The following THBS4 variants were observed in gnomAD, a reference collection of about 807,000 sequenced individuals.
THBS4 encodes thrombospondin-4.
In THBS4, 90 loss-of-function variants were observed where a neutral mutation model predicts 115.7. The observed-to-expected ratio is 0.78, with a 90% CI of 0.66 to 0.93. The LOEUF (loss-of-function observed/expected upper bound fraction) is 0.93, where lower values mean the gene tolerates loss of function less well. Ranked by LOEUF, THBS4 falls within the 40% of genes least tolerant of loss-of-function variation. The probability of loss-of-function intolerance (pLI) is 0.00; values close to 1 mark genes in which losing one functional copy is unlikely to be tolerated. For missense variants in THBS4, 1,087 were observed against 1,232.7 expected (o/e 0.88, Z 1.77); for synonymous variants, 460 against 479.3 (o/e 0.96, Z 0.53).
At chr5:80,029,340 A>T (rs540095291) in intron 2 of THBS4, among the ~76,000 whole-genome samples, 8 of 152,328 alleles carry the variant, frequency 5.3e-5, no homozygotes, top group Non-Finnish European at 1.0e-4. Context: ...ATATGGATGG[A>T]TAAATGTGTT....
upstream of THBS4, among the ~76,000 whole-genome samples, chr5:80,032,143 T>C (rs1049581627): frequency 6.6e-6 from 1 of 152,186 alleles, no homozygotes; most frequent in Non-Finnish European, 1.5e-5. Flanking sequence ...GAAATGAAAA[T>C]AAACTCTTTT....
chr5:80,057,699 A>G (rs944832330), intron 3 of THBS4, among the ~76,000 whole-genome samples: 4 of 152,298 alleles, frequency 2.6e-5, no homozygotes, highest in African/African-American at 9.6e-5. Flanking sequence ...ACTAACAATG[A>G]ATAATATCAA....
At chr5:80,079,820 A>G in intron 19 of THBS4, 85 bp from the exon 20 acceptor site, 1 of 1,398,014 alleles carries the variant, frequency 7.2e-7, no homozygotes, top group East Asian at 2.3e-5. Flanking sequence ...CCATGACTAT[A>G]ACCTGGATCA....
chr5:80,078,102 G>A lies in THBS4; in HGVS notation c.2140G>A (p.Asp714Asn), dbSNP rs773151425. ...TGACTTTGACCAGGACCAGGTCATC[G>A]ATCGGATCGACGTCTGCCCAGAGAA... ...ESDFDQDQVI[D>N]RIDVCPENAE... is the part of the protein sequence containing the mutation. Residue 714 changes from aspartate (D) to asparagine (N), a missense_variant, in exon 17 of 22, where the codon GAT becomes AAT. By Grantham distance (23) the Asp-to-Asn change is conservative. This residue lies in a region of THBS4 where 979 missense variants were observed against 1,103.7 expected (regional missense o/e 0.89). Coordinates refer to ENST00000350881, the MANE Select transcript of THBS4 (RefSeq NM_003248.6). 24 of 1,609,860 alleles carry A rather than the reference G, an allele frequency of 1.5e-5. No homozygotes were observed. The highest frequency in any genetic ancestry group is 9.4e-5 in the African/African-American group (7 of 74,854).
At chr5:80,063,264 T>C (rs1355083092) in intron 8 of THBS4, among the ~76,000 whole-genome samples, 2 of 152,234 alleles carry the variant, frequency 1.3e-5, no homozygotes, top group Non-Finnish European at 2.9e-5. Context: ...GTGGTTTTGA[T>C]TTGCATTTCT....
At chr5:80,051,169 C>T (rs193252179) in intron 2 of THBS4, among the ~76,000 whole-genome samples, 5 of 152,274 alleles carry the variant, frequency 3.3e-5, no homozygotes, top group Admixed American at 2.6e-4. Context: ...CTTCCCCTTC[C>T]CAGTGATGCT....
chr5:80,067,909 C>G (rs1833889594), intron 9 of THBS4, 64 bp from the exon 10 acceptor site: 10 of 1,577,984 alleles, frequency 6.3e-6, no homozygotes, highest in Non-Finnish European at 8.6e-6. Context: ...ATAACTGTAC[C>G]TTTGCTCAAA....
intron 2 of THBS4, among the ~76,000 whole-genome samples, chr5:80,049,668 A>G (rs550734183): frequency 6.6e-6 from 1 of 152,310 alleles, no homozygotes; most frequent in South Asian, 2.1e-4. Context: ...GCCCTCAGAT[A>G]CTATGGGATG....
At chr5:80,057,503 T>A (rs1344926298) in intron 3 of THBS4, among the ~76,000 whole-genome samples, 1 of 152,248 alleles carries the variant, frequency 6.6e-6, no homozygotes, top group Non-Finnish European at 1.5e-5. Flanking sequence ...ATAGCACATG[T>A]TGCCTAAATC....
Position 80,055,937 on chromosome 5 carries a change from C to G in THBS4, c.445C>G (p.Gln149Glu). The change falls in exon 3 of 22, where the codon CAG (glutamine) becomes GAG (glutamate). Residue 149 changes from glutamine to glutamate, a missense_variant. Gln to Glu is a conservative substitution (Grantham distance 29). Around this residue, in one of 3 missense-constraint regions of THBS4, gnomAD observed 979 missense variants for 1,103.7 expected, o/e 0.89. Coordinates refer to ENST00000350881, the MANE Select transcript of THBS4 (RefSeq NM_003248.6). ...GSLELYLDCIQVDSVHNLPRA... is the reference protein window; with the variant it reads ...GSLELYLDCIEVDSVHNLPRA... ...CCTAGAGCTCTACCTGGACTGCATC[C>G]AGGTGGATTCCGTTCACAATCTCCC... The G allele has an allele frequency of 2.5e-6, 4 of 1,614,224 alleles. No individual in the cohort carries two copies. The highest frequency in any genetic ancestry group is 3.4e-6 in the Non-Finnish European group (4 of 1,180,032).
At chr5:80,077,470 C>T (rs1388448345) in intron 16 of THBS4, among the ~76,000 whole-genome samples, 1 of 152,196 alleles carries the variant, frequency 6.6e-6, no homozygotes, top group Admixed American at 6.5e-5. Flanking sequence ...CAGATGCCTG[C>T]AGGTGCCAGG....
In THBS4 at chr5:80,065,458, C is replaced by T. The variant is rs755516089; in HGVS notation, c.1175C>T (p.Ser392Leu). The change falls in exon 9 of 22, where the codon TCG (serine) becomes TTG (leucine). Residue 392 changes from serine to leucine, a missense_variant. Physicochemically the swap from Ser to Leu is moderately radical, Grantham distance 145. Coordinates refer to ENST00000350881, the MANE Select transcript of THBS4 (RefSeq NM_003248.6). ...CGAAATGGAGCGTGCGTTCCCAACT[C>T]GATCTGCGTTAATACTTTGGTAAGT... ...ECRNGACVPNSICVNTLGSYR... is the reference protein window; with the variant it reads ...ECRNGACVPNLICVNTLGSYR... 5.0e-6 allele frequency: 8 copies of T among 1,613,676 alleles called. No individual in the cohort carries two copies. Among genetic ancestry groups the T allele is most frequent in the East Asian group, 2.2e-5 (1 of 44,870 alleles).
intron 5 of THBS4, 86 bp from the exon 6 acceptor site, chr5:80,059,354 A>G (rs1403310781): frequency 2.3e-5 from 30 of 1,326,374 alleles, no homozygotes; most frequent in Admixed American, 3.9e-5. Context: ...AAAGTGTTAC[A>G]TAGATAGCTC....
intron 2 of THBS4, among the ~76,000 whole-genome samples, chr5:80,004,559 C>G (rs1378277075): frequency 6.6e-6 from 1 of 152,132 alleles, no homozygotes; most frequent in African/African-American, 2.4e-5. Flanking sequence ...AGCAAGCAAA[C>G]AGATAAAAGG....
chr5:80,067,744 A>C lies in THBS4; in HGVS notation c.1195-229A>C, dbSNP rs1397335072. On this transcript the variant is annotated intron_variant, in intron 9 of 21. Transcript: ENST00000350881. ...GTTCACAGTCCAGCCTTCTTCCTTCACTTCTATTCCTTCTTTGTCTGAGTG... is the reference window on the plus strand; with the variant it reads ...GTTCACAGTCCAGCCTTCTTCCTTCCCTTCTATTCCTTCTTTGTCTGAGTG... 6.4e-6 allele frequency: 3 copies of C among 471,866 alleles called. No individual in the cohort carries two copies. In the East Asian group the frequency reaches 1.2e-4, roughly 18 times the overall value. The allele number at this position is 471,866 out of a possible 1,614,324, so 29.2% of individuals were successfully genotyped here. A position where few individuals can be genotyped will look rare whatever the true frequency, so the allele number is the denominator to read the frequency against.
At chr5:80,057,163 G>A (rs10474606) in intron 3 of THBS4, among the ~76,000 whole-genome samples, 43,364 of 152,034 alleles carry the variant, frequency 0.29, 6,429 homozygotes, top group Middle Eastern at 0.38. Context: ...CCCCATAGTA[G>A]CGCATGTAAT....
intron 2 of THBS4, chr5:80,053,105 T>C (rs1833304583): frequency 6.6e-6 from 1 of 152,180 alleles, no homozygotes; most frequent in Non-Finnish European, 1.5e-5. Context: ...CATACTAATG[T>C]AGACATATTT....
intron 15 of THBS4, among the ~76,000 whole-genome samples, chr5:80,073,766 A>G (rs1743042412): frequency 6.6e-6 from 1 of 152,152 alleles, no homozygotes; most frequent in Non-Finnish European, 1.5e-5. Flanking sequence ...TGGTGGGATA[A>G]TAGCCCTGCC....
At chr5:80,040,000 C>T (rs1428522341) in intron 1 of THBS4, 77 bp from the exon 2 acceptor site, 15 of 1,288,508 alleles carry the variant, frequency 1.2e-5, no homozygotes, top group East Asian at 4.6e-5. Context: ...CAAATTGCAC[C>T]CCCCCCAAAC....
Sources: gnomAD v4.1 joint callset for allele counts (sites outside exome capture counted in the v4.1 genomes callset) on GRCh38, gnomAD v4.1.1 for gene constraint, gnomAD v4.1.1 regional missense constraint, MANE v1.5 for transcripts, NCBI Gene and HGNC (gene_info 2026-07-23, HGNC 2026-07-21) for gene names.